The following NPAS3 variants were observed in gnomAD, a reference collection of about 807,000 sequenced individuals.
NPAS3 encodes neuronal PAS domain protein 3.
A neutral mutation model predicts 73.1 loss-of-function variants in NPAS3; 14 were observed. The observed-to-expected ratio is 0.19, with a 90% CI of 0.13 to 0.30. The LOEUF (loss-of-function observed/expected upper bound fraction) is 0.30. Ranked by LOEUF, NPAS3 falls within the 10% of genes least tolerant of loss-of-function variation. NPAS3 has a pLI of 1.00. For missense variants in NPAS3, 1,096 were observed against 1,250.0 expected (o/e 0.88, Z 1.86); for synonymous variants, 620 against 541.5 (o/e 1.14, Z -2.01).
At chr14:33,537,258 T>C (rs11156801) in intron 4 of NPAS3, among the ~76,000 whole-genome samples, 4,847 of 152,276 alleles carry the variant, frequency 0.032, 267 homozygotes, top group African/African-American at 0.11. Flanking sequence ...TCTATTTTAA[T>C]TGTTGTGTAT....
chr14:33,582,962 T>G (rs1361073214), intron 5 of NPAS3, among the ~76,000 whole-genome samples: 2 of 138,872 alleles, frequency 1.4e-5, no homozygotes, highest in African/African-American at 5.3e-5. Context: ...GACCTAGATA[T>G]TTAAAGGGTT....
rs375929786 is a variant in NPAS3, at chr14:33,275,183, G to A, written c.385+59757G>A. Among the ~76,000 whole-genome samples, 31 of 152,298 alleles carry A rather than the reference G, an allele frequency of 2.0e-4. No individual in the cohort carries two copies. The East Asian group carries it at 4.2e-3, about 21-fold the overall frequency. ...AAAACCATTACTGTATCAGAATGATGTATCTGCAAGTGACTTGCATGAACA... is the reference window on the plus strand; with the variant it reads ...AAAACCATTACTGTATCAGAATGATATATCTGCAAGTGACTTGCATGAACA... On this transcript the variant is annotated intron_variant, in intron 3 of 11. Transcript: ENST00000356141.
At chr14:33,002,232 A>G (rs2038834199) in intron 1 of NPAS3, among the ~76,000 whole-genome samples, 1 of 152,194 alleles carries the variant, frequency 6.6e-6, no homozygotes, top group South Asian at 2.1e-4. Context: ...AGCAGGGACT[A>G]TGTCATATAT....
At chr14:33,796,406 C>T (rs112664021) in intron 10 of NPAS3, among the ~76,000 whole-genome samples, 89 of 152,292 alleles carry the variant, frequency 5.8e-4, no homozygotes, top group South Asian at 2.1e-3. Context: ...CTAATTCACA[C>T]GAAGGAGTAA....
chr14:33,676,491 T>A, intron 6 of NPAS3, 106 bp downstream of exon 6: 1 of 870,354 alleles, frequency 1.1e-6, no homozygotes, highest in Non-Finnish European at 1.7e-6. Context: ...TAAGGGTATT[T>A]AACAATTCCA....
intron 6 of NPAS3, among the ~76,000 whole-genome samples, chr14:33,732,605 T>C (rs2061427953): frequency 6.6e-6 from 1 of 152,194 alleles, no homozygotes; most frequent in Non-Finnish European, 1.5e-5. Flanking sequence ...GAAACCAGTC[T>C]CTTTCTGGGT....
At chr14:32,999,312 C>T (rs933908087) in intron 1 of NPAS3, among the ~76,000 whole-genome samples, 2 of 152,028 alleles carry the variant, frequency 1.3e-5, no homozygotes, top group Non-Finnish European at 2.9e-5. Flanking sequence ...GAGATTGAGA[C>T]CATCCTGGCT....
intron 4 of NPAS3, among the ~76,000 whole-genome samples, chr14:33,487,807 C>A (rs983611106): frequency 1.3e-5 from 2 of 152,140 alleles, no homozygotes; most frequent in African/African-American, 4.8e-5. Flanking sequence ...TGCTGTGCTA[C>A]TAAAAGAACC....
At chr14:33,383,053 C>CT (rs1271591629) in intron 4 of NPAS3, among the ~76,000 whole-genome samples, 1 of 142,428 alleles carries the variant, frequency 7.0e-6, no homozygotes, top group Non-Finnish European at 1.5e-5. Context: ...TGCCACTGTA[C>CT]TCCAGCCTGT....
intron 5 of NPAS3, among the ~76,000 whole-genome samples, chr14:33,671,916 G>T (rs72664512): frequency 0.099 from 14,497 of 147,046 alleles, 887 homozygotes; most frequent in Non-Finnish European, 0.14. Flanking sequence ...CATTATTGGA[G>T]GGGGGAAAGC....
chr14:33,777,361 T>C (rs1262370170), intron 8 of NPAS3, among the ~76,000 whole-genome samples: 1 of 152,230 alleles, frequency 6.6e-6, no homozygotes, highest in Admixed American at 6.5e-5. Context: ...GCCAAAAATA[T>C]TATTTGAATT....
At chr14:33,125,116 T>A (rs2043378449) in intron 2 of NPAS3, among the ~76,000 whole-genome samples, 1 of 152,142 alleles carries the variant, frequency 6.6e-6, no homozygotes, top group Non-Finnish European at 1.5e-5. Flanking sequence ...GACTTTTATC[T>A]TCTTCTTTGA....
chr14:33,300,839 C>T (rs2042500654), intron 3 of NPAS3, among the ~76,000 whole-genome samples: 1 of 152,082 alleles, frequency 6.6e-6, no homozygotes, highest in Admixed American at 6.5e-5. Context: ...CCAGGAGCCT[C>T]CAAACACCCC....
chr14:33,413,540 T>G (rs2048022078), intron 4 of NPAS3, among the ~76,000 whole-genome samples: 1 of 152,070 alleles, frequency 6.6e-6, no homozygotes, highest in Non-Finnish European at 1.5e-5. Context: ...TTTGAGCGTG[T>G]GGGGCATCGG....
At chr14:33,208,830 G>A (rs911100406) in intron 2 of NPAS3, among the ~76,000 whole-genome samples, 2 of 152,112 alleles carry the variant, frequency 1.3e-5, no homozygotes, top group East Asian at 3.8e-4. Context: ...ATTACAACTG[G>A]TTTTATATAT....
chr14:33,502,243 T>C (rs2052552619), intron 4 of NPAS3, among the ~76,000 whole-genome samples: 1 of 150,794 alleles, frequency 6.6e-6, no homozygotes, highest in South Asian at 2.1e-4. Flanking sequence ...CTAGCTCTAA[T>C]TTAAGTGCAT....
chr14:33,798,736 G>T (rs940636299), intron 11 of NPAS3, among the ~76,000 whole-genome samples: 3 of 152,114 alleles, frequency 2.0e-5, no homozygotes, highest in Non-Finnish European at 2.9e-5. Flanking sequence ...TCTAGAATTG[G>T]TAGTCTCTGC....
At chr14:32,960,094 A>G (rs10135276) in intron 1 of NPAS3, among the ~76,000 whole-genome samples, 2,329 of 150,872 alleles carry the variant, frequency 0.015, 54 homozygotes, top group African/African-American at 0.052. Context: ...GAAGTGTAAT[A>G]TATTGGTTAT....
intron 5 of NPAS3, among the ~76,000 whole-genome samples, chr14:33,647,636 G>A (rs1011436725): frequency 3.3e-5 from 5 of 151,808 alleles, no homozygotes; most frequent in Admixed American, 6.6e-5. Context: ...CCTCTGACTC[G>A]GCATCACTTT....
Sources: gnomAD v4.1 joint callset for allele counts (sites outside exome capture counted in the v4.1 genomes callset) on GRCh38, gnomAD v4.1.1 for gene constraint, MANE v1.5 for transcripts, NCBI Gene and HGNC (gene_info 2026-07-23, HGNC 2026-07-21) for gene names.